The following PROX2 variants were observed in gnomAD, a reference collection of about 807,000 sequenced individuals.
The protein encoded by PROX2 is prospero homeobox protein 2.
A neutral mutation model predicts 48.9 loss-of-function variants in PROX2; 46 were observed. The observed-to-expected ratio is 0.94, with a 90% CI of 0.74 to 1.20. PROX2 has a LOEUF of 1.20. Among genes scored for constraint, PROX2 ranks in the 50% most tolerant of loss-of-function variants. PROX2 has a pLI of 0.00. For synonymous variants in PROX2, 260 were observed against 276.6 expected (o/e 0.94, Z 0.60); for missense variants, 663 against 719.4 (o/e 0.92, Z 0.90).
rs777900181 is a variant in PROX2, at chr14:74,862,599, A to G, written c.1236T>C (p.Leu412=). The part of the protein sequence containing the change: ...TSAHLESLPL[L]PSVKMEQRGL... Reference sequence around the variant, plus strand: ...CTCTCTGTTCCATCTTCACCGAGGGAAGAAGGGGTAGACTTTCCAGATGGG... The same window carrying G: ...CTCTCTGTTCCATCTTCACCGAGGGGAGAAGGGGTAGACTTTCCAGATGGG... The change falls in exon 3 of 6, where the codon CTT becomes CTC. Residue 412 remains leucine, a synonymous_variant. Coordinates refer to ENST00000556489, the MANE Select transcript of PROX2 (RefSeq NM_001243007.2). 6.2e-7 allele frequency: 1 copy of G among 1,613,938 alleles called. No homozygotes were observed. Among genetic ancestry groups the G allele is most frequent in the Non-Finnish European group, 8.5e-7 (1 of 1,179,868 alleles).
rs955078773 is a variant in PROX2 at position 74,863,668 on chromosome 14, A to C, written c.167T>G (p.Phe56Cys). The change falls in exon 3 of 6, where the codon TTT becomes TGT. Residue 56 changes from phenylalanine (F) to cysteine (C), a missense_variant. Transcript: ENST00000556489. ...PSSSPTDPEW[F>C]GDEHIQAKRA... is the part of the protein sequence containing the mutation. ...CTTTGCCTGGATGTGCTCATCACCA[A>C]ACCATTCGGGGTCTGTAGGGCTGGA... 1 of 1,565,824 alleles carries C rather than the reference A, an allele frequency of 6.4e-7. No individual in the cohort carries two copies. Among genetic ancestry groups the C allele is most frequent in the African/African-American group, 1.4e-5 (1 of 73,756 alleles).
chr14:74,868,313 T>TTTTATATATA (rs1319463267), intron 2 of PROX2, among the ~76,000 whole-genome samples: 1 of 53,780 alleles, frequency 1.9e-5, no homozygotes, highest in African/African-American at 5.8e-5. Context: ...TTTCTCGTAA[T>TTTTATATATA]TATATATATA....
At position 74,863,912 on chromosome 14, in the gene PROX2, CT is replaced by C. The variant is rs1451386527; in HGVS notation, c.-79del. ...GGAAGTGCACCCAGAATGCGCTGGG[CT>C]TCCTCCTCTGCACTTAGAAGGGTAA... On this transcript the variant is annotated 5_prime_UTR_variant, in exon 3 of 6. Transcript: ENST00000556489. 1.8e-5 allele frequency: 25 copies of C among 1,409,940 alleles called. No homozygotes were observed. The highest frequency in any genetic ancestry group is 2.2e-5 in the Non-Finnish European group (24 of 1,089,756). 87.3% of individuals were successfully genotyped at this position (1,409,940 alleles called of 1,614,324 possible).
chr14:74,855,481 C>T, intron 5 of PROX2, 179 bp from the exon 6 acceptor site: 1 of 411,528 alleles, frequency 2.4e-6, no homozygotes, highest in Non-Finnish European at 4.3e-6. Context: ...AGACACAAAC[C>T]TTGATAAGAC....
intron 3 of PROX2, chr14:74,859,435 A>T (rs1195952479): frequency 6.6e-6 from 1 of 152,232 alleles, no homozygotes; most frequent in Non-Finnish European, 1.5e-5. Context: ...TGTGTGAAGG[A>T]GTAAGTGAGT....
intron 2 of PROX2, among the ~76,000 whole-genome samples, chr14:74,867,605 T>C (rs1026763057): frequency 6.6e-6 from 1 of 152,212 alleles, no homozygotes; most frequent in South Asian, 2.1e-4. Flanking sequence ...CAATAGACAA[T>C]ACTTTATTTC....
chr14:74,855,560 G>A (rs2091737060), intron 5 of PROX2: 1 of 336,672 alleles, frequency 3.0e-6, no homozygotes, highest in Non-Finnish European at 5.3e-6. Context: ...AGCTGATCTC[G>A]CTAATGGGCG....
Position 74,856,908 on chromosome 14 carries a change from GC to G in PROX2, c.1500del (p.Gln501LysfsTer47), listed in dbSNP as rs775893656. 35 of 1,614,002 alleles carry G rather than the reference GC, an allele frequency of 2.2e-5. No individual in the cohort carries two copies. Among genetic ancestry groups the G allele is most frequent in the Non-Finnish European group, 2.9e-5 (34 of 1,179,886 alleles). On this transcript the variant is annotated frameshift_variant, in exon 5 of 6. Transcript: ENST00000556489. LOFTEE classifies it high-confidence loss of function. ...TTTGTGACACCATCTGAAATTGCTT[GC>G]CGGGCAGATTTTTCCATTTGGATGT... ...FYYIQMEKSA[R>X]QAISDGVTNP...
rs1367989514 is a variant in PROX2, at chr14:74,854,617, G to C, written c.*515C>G. 6.5e-6 allele frequency: 1 copy of C among 152,856 alleles called. No homozygotes were observed. Among genetic ancestry groups the C allele is most frequent in the East Asian group, 1.9e-4 (1 of 5,196 alleles). 9.5% of individuals were successfully genotyped at this position (152,856 alleles called of 1,614,324 possible). ...ATGATGATAATAACTACTTTTCAGG[G>C]TGAAAAGCTTAAAGTATGTGAAAGT... is the stretch of plus-strand genomic sequence containing the variant. On this transcript the variant is annotated 3_prime_UTR_variant, in exon 6 of 6. Transcript: ENST00000556489.
chr14:74,858,591 G>A, intron 3 of PROX2, 77 bp from the exon 4 acceptor site: 1 of 769,248 alleles, frequency 1.3e-6, no homozygotes, highest in South Asian at 1.8e-5. Context: ...TGTTCCTGTG[G>A]TTTCTATTTG....
intron 1 of PROX2, among the ~76,000 whole-genome samples, chr14:74,874,796 T>C (rs1883300410): frequency 6.6e-6 from 1 of 152,208 alleles, no homozygotes. Flanking sequence ...ACCATCACTT[T>C]TATTTCCTCT....
intron 2 of PROX2, among the ~76,000 whole-genome samples, chr14:74,870,723 T>C (rs1178221281): frequency 6.6e-6 from 1 of 152,160 alleles, no homozygotes; most frequent in Non-Finnish European, 1.5e-5. Flanking sequence ...TCAATTTTGC[T>C]GTGAACCTAA....
chr14:74,868,412 T>C (rs1016656545), intron 2 of PROX2, among the ~76,000 whole-genome samples: 3 of 147,610 alleles, frequency 2.0e-5, no homozygotes, highest in African/African-American at 7.5e-5. Context: ...TTTTTAAATC[T>C]TTCATGTGGA....
rs555931182 is a variant in PROX2, at chr14:74,863,585, G to C, written c.250C>G (p.Pro84Ala). 6.2e-7 allele frequency: 1 copy of C among 1,611,992 alleles called. No homozygotes were observed. The highest frequency in any genetic ancestry group is 1.7e-5 in the Admixed American group (1 of 59,758). ...CTGACCCCAGCTTGCGCATTGCCTG[G>C]CACCAGAGGATTCGGGGAGAGACAC... ...GMCLSPNPLV[P>A]GNAQAGVSPR... Residue 84 changes from proline to alanine, a missense_variant, in exon 3 of 6, where the codon CCA becomes GCA. By Grantham distance (27) the Pro-to-Ala change is conservative. Coordinates refer to ENST00000556489, the MANE Select transcript of PROX2 (RefSeq NM_001243007.2).
intron 2 of PROX2, among the ~76,000 whole-genome samples, chr14:74,865,829 TA>T (rs538276669): frequency 6.6e-6 from 1 of 151,734 alleles, no homozygotes; most frequent in African/African-American, 2.4e-5. Flanking sequence ...AGACTCTGTC[TA>T]AAAAAAATCA....
rs746933174 is a variant in PROX2 at position 74,856,910 on chromosome 14, C to T, written c.1499G>A (p.Arg500Gln). 45 of 1,613,804 alleles carry T rather than the reference C, an allele frequency of 2.8e-5. No homozygotes were observed. In the Middle Eastern group the frequency reaches 1.3e-3, roughly 47 times the overall value. Residue 500 changes from arginine (R) to glutamine (Q), a missense_variant, in exon 5 of 6, where the codon CGG (arginine) becomes CAG (glutamine). Coordinates refer to ENST00000556489, the MANE Select transcript of PROX2 (RefSeq NM_001243007.2). Reference sequence around the variant, plus strand: ...TGTGACACCATCTGAAATTGCTTGCCGGGCAGATTTTTCCATTTGGATGTA... The same window carrying T: ...TGTGACACCATCTGAAATTGCTTGCTGGGCAGATTTTTCCATTTGGATGTA... ...FYYIQMEKSA[R>Q]QAISDGVTNP...
intron 3 of PROX2, among the ~76,000 whole-genome samples, chr14:74,862,229 G>A (rs2091799488): frequency 6.6e-6 from 1 of 152,082 alleles, no homozygotes; most frequent in Non-Finnish European, 1.5e-5. Flanking sequence ...TTGAAACATT[G>A]TCTCTCTCTG....
In PROX2 at chr14:74,853,603, A is replaced by G. The variant is rs193144203; in HGVS notation, c.*1529T>C. ...TTTTTATGCTGATAGTTCTAGTAAT[A>G]GTTTAGGGATTTTATCTCATCTGCT... is the stretch of plus-strand genomic sequence containing the variant. On this transcript the variant is annotated 3_prime_UTR_variant, in exon 6 of 6. Coordinates refer to ENST00000556489, the MANE Select transcript of PROX2 (RefSeq NM_001243007.2). The G allele has an allele frequency of 7.1e-4, 108 of 152,290 alleles. No homozygotes were observed. Among genetic ancestry groups the G allele is most frequent in the African/African-American group, 2.5e-3 (104 of 41,560 alleles). The allele number at this position is 152,290 out of a possible 1,614,324, so 9.4% of individuals were successfully genotyped here. A position where few individuals can be genotyped will look rare whatever the true frequency, so the allele number is the denominator to read the frequency against.
intron 1 of PROX2, chr14:74,874,098 T>C (rs188525408): frequency 7.6e-6 from 4 of 529,114 alleles, no homozygotes; most frequent in Non-Finnish European, 1.5e-5. Context: ...GGGATAGATA[T>C]GGCTTTTCTA....
Sources: allele counts gnomAD v4.1 joint callset (sites outside exome capture counted in the v4.1 genomes callset), GRCh38; gene constraint gnomAD v4.1.1; transcripts MANE v1.5; gene names NCBI Gene and HGNC (gene_info 2026-07-23, HGNC 2026-07-21).